The following IKZF1 variants were observed in gnomAD, a reference collection of about 807,000 sequenced individuals.
The protein encoded by IKZF1 is DNA-binding protein Ikaros.
A neutral mutation model predicts 51.7 loss-of-function variants in IKZF1; 10 were observed. The observed-to-expected ratio is 0.19, with a 90% CI of 0.12 to 0.33. The LOEUF (loss-of-function observed/expected upper bound fraction) is 0.33, where lower values mean the gene tolerates loss of function less well. IKZF1 is among the 10% of genes least tolerant of loss of function. IKZF1 has a pLI of 1.00. For missense variants in IKZF1, 484 were observed against 707.5 expected, an observed-to-expected ratio of 0.68 and a Z score of 3.58; for synonymous variants, 280 against 282.3, an observed-to-expected ratio of 0.99 and a Z score of 0.08.
rs182477070 is a variant in IKZF1, at chr7:50,392,862, T to C, written c.850+999T>C. Among the ~76,000 whole-genome samples, 240 of 151,848 alleles carry C rather than the reference T, an allele frequency of 1.6e-3. 1 individual carries two copies. Among genetic ancestry groups the C allele is most frequent in the African/African-American group, 5.4e-3 (224 of 41,402 alleles). On this transcript the variant is annotated intron_variant, in intron 7 of 7. Coordinates refer to ENST00000331340, the MANE Select transcript of IKZF1 (RefSeq NM_006060.6). ...GAAACCAGAATGCTGACCATGAGGG[T>C]TGGAGTGGGGGCCTAAGGACATGAC...
At chr7:50,369,183 T>C in intron 3 of IKZF1, 1 of 264,706 alleles carries the variant, frequency 3.8e-6, no homozygotes, top group Non-Finnish European at 7.1e-6. Flanking sequence ...TATGAACATA[T>C]AAAACATTAT....
rs1477073793 is a variant in IKZF1, at chr7:50,319,118, T to C, written c.40+17T>C. 1.2e-5 allele frequency: 20 copies of C among 1,612,224 alleles called. No individual in the cohort carries two copies. Among genetic ancestry groups the C allele is most frequent in the Admixed American group, 1.7e-5 (1 of 60,000 alleles). On this transcript the variant is annotated intron_variant, in intron 2 of 7. Coordinates refer to ENST00000331340, the MANE Select transcript of IKZF1 (RefSeq NM_006060.6). ...AAGTTTCAGGTGAGACCTTATGAGA[T>C]AGCTGTGTGGGAAGTTCATGAGAAA...
chr7:50,376,435 T>C lies in IKZF1; in HGVS notation c.161-98T>C, dbSNP rs2153467582. ...TTGCTAAGAACTTCTGTTTAGTAGC[T>C]CTCCACACCTATTTGATTGTCTTTT... On this transcript the variant is annotated intron_variant, in intron 3 of 7. Coordinates refer to ENST00000331340, the MANE Select transcript of IKZF1 (RefSeq NM_006060.6). This position sits in a 1 kb window ranked among gnomAD's most constrained non-coding sequence, Gnocchi z 4.5. 6.5e-7 allele frequency: 1 copy of C among 1,535,044 alleles called. No individual in the cohort carries two copies. The highest frequency in any genetic ancestry group is 8.7e-7 in the Non-Finnish European group (1 of 1,143,200).
At chr7:50,304,140 C>T (rs952859001), upstream of IKZF1, 17 of 148,166 alleles carry the variant, frequency 1.1e-4, no homozygotes, top group Admixed American at 1.0e-3. Flanking sequence ...GCCGCCGCCC[C>T]GGCGGCCTTT....
At chr7:50,353,705 T>G (rs1246582283) in intron 3 of IKZF1, among the ~76,000 whole-genome samples, 1 of 152,228 alleles carries the variant, frequency 6.6e-6, no homozygotes, top group Non-Finnish European at 1.5e-5. Flanking sequence ...GTCCTTTTTA[T>G]TCAAGGGGCT....
intron 7 of IKZF1, 101 bp downstream of exon 7, chr7:50,391,964 A>G: frequency 2.1e-6 from 3 of 1,410,614 alleles, no homozygotes; most frequent in South Asian, 3.2e-5. Flanking sequence ...AAAAAATCTT[A>G]TTTTTTCAAA....
intron 3 of IKZF1, chr7:50,328,345 T>C (rs1448566122): frequency 6.6e-6 from 1 of 152,238 alleles, no homozygotes; most frequent in East Asian, 1.9e-4. Context: ...CGACAGTTTG[T>C]GTTTGGAAAA....
intron 3 of IKZF1, among the ~76,000 whole-genome samples, chr7:50,362,070 G>A (rs74713904): frequency 0.023 from 3,485 of 152,228 alleles, 285 homozygotes; most frequent in East Asian, 0.16. Context: ...AATAGGACTG[G>A]TGCCTAGTTG....
intron 1 of IKZF1, among the ~76,000 whole-genome samples, chr7:50,314,352 C>T (rs973533569): frequency 3.9e-5 from 6 of 152,282 alleles, no homozygotes; most frequent in South Asian, 2.1e-4. Flanking sequence ...CCTCATGATC[C>T]GCCTGCCTCG....
intron 3 of IKZF1, among the ~76,000 whole-genome samples, chr7:50,345,567 T>G (rs1800146565): frequency 6.6e-6 from 1 of 152,126 alleles, no homozygotes; most frequent in Non-Finnish European, 1.5e-5. Flanking sequence ...GACAGATGCA[T>G]GTTAAATGTC....
At chr7:50,329,321 A>G (rs1461294478) in intron 3 of IKZF1, among the ~76,000 whole-genome samples, 1 of 152,184 alleles carries the variant, frequency 6.6e-6, no homozygotes, top group East Asian at 1.9e-4. Flanking sequence ...AGAGGGGAAG[A>G]GAAATGAACT....
chr7:50,376,430 G>A lies in IKZF1; in HGVS notation c.161-103G>A, dbSNP rs2153467521. 6.6e-7 allele frequency: 1 copy of A among 1,526,556 alleles called. No homozygotes were observed. The highest frequency in any genetic ancestry group is 1.3e-5 in the South Asian group (1 of 76,744). 94.6% of individuals were successfully genotyped at this position (1,526,556 alleles called of 1,614,324 possible). A position where few individuals can be genotyped will look rare whatever the true frequency, so the allele number is the denominator to read the frequency against. On this transcript the variant is annotated intron_variant, in intron 3 of 7. Transcript: ENST00000331340. This position sits in a 1 kb window ranked among gnomAD's most constrained non-coding sequence, Gnocchi z 4.5. ...GGTATTTGCTAAGAACTTCTGTTTA[G>A]TAGCTCTCCACACCTATTTGATTGT...
At chr7:50,304,309 T>G (rs971340240), upstream of IKZF1, 2 of 148,970 alleles carry the variant, frequency 1.3e-5, no homozygotes, top group African/African-American at 2.4e-5. Flanking sequence ...TGCGCCCTTC[T>G]GCGCGCCCCG....
chr7:50,385,363 G>A (rs753054726), intron 5 of IKZF1, among the ~76,000 whole-genome samples: 1 of 152,188 alleles, frequency 6.6e-6, no homozygotes, highest in East Asian at 1.9e-4. Context: ...GAAAAACCAG[G>A]ATCAACATCA....
At chr7:50,373,719 C>A (rs571750314) in intron 3 of IKZF1, among the ~76,000 whole-genome samples, 1 of 152,146 alleles carries the variant, frequency 6.6e-6, no homozygotes, top group Non-Finnish European at 1.5e-5. Flanking sequence ...GTTTCCAGAG[C>A]GGGCTAGTGT....
intron 1 of IKZF1, among the ~76,000 whole-genome samples, chr7:50,310,690 G>T (rs575210737): frequency 6.6e-6 from 1 of 152,296 alleles, no homozygotes; most frequent in South Asian, 2.1e-4. Flanking sequence ...GACAGCCAGC[G>T]CTGAGCTCCC....
rs1289582053 is a variant in IKZF1 at position 50,402,497 on chromosome 7, G to A, written c.*1870G>A. The stretch of plus-strand genomic sequence containing the variant: ...TCCCCTGCGAGGAGAAATCACTCCT[G>A]GGGGAGAACCACTGACCCAAATGAA... On this transcript the variant is annotated 3_prime_UTR_variant, in exon 8 of 8. Transcript: ENST00000331340. 4.3e-6 allele frequency: 1 copy of A among 231,612 alleles called. No homozygotes were observed. Among genetic ancestry groups the A allele is most frequent in the Non-Finnish European group, 8.5e-6 (1 of 117,036 alleles). The allele number at this position is 231,612 out of a possible 1,614,324, so 14.3% of individuals were successfully genotyped here. A position where few individuals can be genotyped will look rare whatever the true frequency, so the allele number is the denominator to read the frequency against.
chr7:50,341,891 A>G (rs1303881397), intron 3 of IKZF1, among the ~76,000 whole-genome samples: 1 of 152,006 alleles, frequency 6.6e-6, no homozygotes, highest in African/African-American at 2.4e-5. Context: ...TCAAGTGCTC[A>G]GGAGTCACAT....
Position 50,336,769 on chromosome 7 carries a change from G to A in IKZF1, c.160+9012G>A, listed in dbSNP as rs923589861. Among the ~76,000 whole-genome samples, 121 of 152,280 alleles carry A rather than the reference G, an allele frequency of 7.9e-4. 1 individual carries two copies. The highest frequency in any genetic ancestry group is 2.7e-3 in the African/African-American group (111 of 41,546). On this transcript the variant is annotated intron_variant, in intron 3 of 7. Coordinates refer to ENST00000331340, the MANE Select transcript of IKZF1 (RefSeq NM_006060.6). Reference sequence around the variant, plus strand: ...GGAACTGTACCCAGAGTAGGGGTTCGCATGAGACCAAGGGATGGTGTCTAG... The same window carrying A: ...GGAACTGTACCCAGAGTAGGGGTTCACATGAGACCAAGGGATGGTGTCTAG...
Sources: gnomAD v4.1 joint callset for allele counts (sites outside exome capture counted in the v4.1 genomes callset) on GRCh38, gnomAD v4.1.1 for gene constraint, Gnocchi (gnomAD v3.1) non-coding constraint, MANE v1.5 for transcripts, NCBI Gene and HGNC (gene_info 2026-07-23, HGNC 2026-07-21) for gene names.